Variants in RSRC2 observed in about 807,000 individuals in gnomAD.
RSRC2 encodes the protein arginine/serine-rich coiled-coil protein 2.
Under a neutral mutation model 61.3 loss-of-function variants are expected in RSRC2, and 5 were observed. That is an observed-to-expected ratio of 0.08 (90% CI 0.04 to 0.17). The LOEUF (loss-of-function observed/expected upper bound fraction) is 0.17. Ranked by LOEUF, RSRC2 falls within the 10% of genes least tolerant of loss-of-function variation. The probability of loss-of-function intolerance (pLI) is 1.00; values close to 1 mark genes in which losing one functional copy is unlikely to be tolerated. For missense variants in RSRC2, 381 were observed against 518.8 expected, an observed-to-expected ratio of 0.73 and a Z score of 2.58; for synonymous variants, 202 against 166.5, an observed-to-expected ratio of 1.21 and a Z score of -1.64.
Position 122,504,109 on chromosome 12 carries a change from T to TGCTCC in RSRC2, c.*1417_*1418insGGAGC, listed in dbSNP as rs1957999451. On this transcript the variant is annotated 3_prime_UTR_variant, in exon 10 of 10. Coordinates refer to ENST00000331738, the MANE Select transcript of RSRC2 (RefSeq NM_023012.6). ...TTTCATGTATAAAAAAAATACCTAA[T>TGCTCC]GAGCAAGTTGGCAAGACTTAATTCC... 6.6e-6 allele frequency: 1 copy of TGCTCC among 152,138 alleles called. No individual in the cohort carries two copies. 9.4% of individuals were successfully genotyped at this position (152,138 alleles called of 1,614,324 possible).
chr12:122,510,702 G>A (rs1293967987), intron 7 of RSRC2, among the ~76,000 whole-genome samples: 2 of 150,842 alleles, frequency 1.3e-5, no homozygotes, highest in Non-Finnish European at 2.9e-5. Context: ...GGAATCATAG[G>A]TGATTTTCTT....
chr12:122,518,810 GTAC>G lies in RSRC2; in HGVS notation c.398+26_398+28del, dbSNP rs749557890. On this transcript the variant is annotated intron_variant, in intron 4 of 9. Transcript: ENST00000331738. ...GAAACTTTATGTAACTTGTTAGAAG[GTAC>G]TACATTATAATACAACATGACTTAC... is the stretch of plus-strand genomic sequence containing the variant. 10 of 1,542,058 alleles carry G rather than the reference GTAC, an allele frequency of 6.5e-6. No individual in the cohort carries two copies. In the Admixed American group the frequency reaches 1.0e-4, roughly 15 times the overall value.
rs145997829 is a variant in RSRC2, at chr12:122,504,614, C to G, written c.*913G>C. The G allele has an allele frequency of 6.6e-6, 1 of 152,248 alleles. No homozygotes were observed. The highest frequency in any genetic ancestry group is 1.5e-5 in the Non-Finnish European group (1 of 68,022). 9.4% of individuals were successfully genotyped at this position (152,248 alleles called of 1,614,324 possible). On this transcript the variant is annotated 3_prime_UTR_variant, in exon 10 of 10. Coordinates refer to ENST00000331738, the MANE Select transcript of RSRC2 (RefSeq NM_023012.6). ...ACTGCACCCAGTTTAGGCAACAGAG[C>G]AAGATCCTGTCTCAAAAAAACAAAC...
intron 1 of RSRC2, 109 bp from the exon 2 acceptor site, chr12:122,522,408 T>G (rs1169969918): frequency 5.8e-6 from 6 of 1,030,638 alleles, no homozygotes; most frequent in Non-Finnish European, 8.2e-6. Flanking sequence ...AATCAATAAA[T>G]CAGAATGCCT....
intron 1 of RSRC2, chr12:122,523,626 G>C (rs548444404): frequency 3.3e-5 from 5 of 152,156 alleles, no homozygotes; most frequent in African/African-American, 9.7e-5. Context: ...ATAGGGAATC[G>C]ATAGTCTTCA....
In RSRC2 at chr12:122,514,157, C is replaced by CAGTTCTTT. The variant is rs201039070; in HGVS notation, c.725+940_725+947dup. On this transcript the variant is annotated intron_variant, in intron 6 of 9. Coordinates refer to ENST00000331738, the MANE Select transcript of RSRC2 (RefSeq NM_023012.6). ...TTTTACTTTTTGCCTCTCTATGAGGCAGTTCTTTGAATAGTTTTGCAGATT... is the reference window on the plus strand; with the variant it reads ...TTTTACTTTTTGCCTCTCTATGAGGCAGTTCTTTAGTTCTTTGAATAGTTTTGCAGATT... Among the ~76,000 whole-genome samples the CAGTTCTTT allele has an allele frequency of 3.7e-3, 558 of 152,090 alleles. 5 individuals are homozygous for CAGTTCTTT. Among genetic ancestry groups the CAGTTCTTT allele is most frequent in the South Asian group, 0.016 (78 of 4,812 alleles).
intron 7 of RSRC2, among the ~76,000 whole-genome samples, chr12:122,509,367 T>C (rs1958326709): frequency 6.6e-6 from 1 of 151,866 alleles, no homozygotes; most frequent in African/African-American, 2.4e-5. Context: ...GGAGAATCAC[T>C]TGAACCCGAG....
At chr12:122,513,099 G>A in intron 6 of RSRC2, among the ~76,000 whole-genome samples, 1 of 151,820 alleles carries the variant, frequency 6.6e-6, no homozygotes, top group South Asian at 2.1e-4. Flanking sequence ...GGAGGCTGAG[G>A]CACGAGAATT....
intron 3 of RSRC2, 126 bp downstream of exon 3, chr12:122,521,259 C>T (rs571742281): frequency 2.2e-5 from 13 of 598,740 alleles, no homozygotes; most frequent in African/African-American, 1.7e-4. Flanking sequence ...TATTTTATAA[C>T]CCAATAAACC....
Position 122,518,961 on chromosome 12 carries a change from T to A in RSRC2, c.276A>T (p.Glu92Asp). ...KHKSEEHNDK[E>D]HSSDKGRERL... ...GCTCTCTTCCTTTATCAGAAGAATG[T>A]TCTTTGTCATTATGTTCCTCAGACT... Residue 92 changes from glutamate to aspartate, a missense_variant, in exon 4 of 10, where the codon GAA becomes GAT. By Grantham distance (45) the Glu-to-Asp change is conservative. Around this residue, in one of 4 missense-constraint regions of RSRC2, gnomAD observed 266 missense variants for 270.5 expected, o/e 0.98. Transcript: ENST00000331738. The A allele has an allele frequency of 6.2e-7, 1 of 1,613,718 alleles. No individual in the cohort carries two copies. The highest frequency in any genetic ancestry group is 8.5e-7 in the Non-Finnish European group (1 of 1,179,634).
At chr12:122,524,322 T>C (rs570925757) in intron 1 of RSRC2, among the ~76,000 whole-genome samples, 2 of 152,314 alleles carry the variant, frequency 1.3e-5, no homozygotes, top group East Asian at 3.9e-4. Context: ...TTGTACAGCT[T>C]ACACTTGGTA....
chr12:122,519,631 C>A (rs752347358), intron 3 of RSRC2: 1 of 153,638 alleles, frequency 6.5e-6, no homozygotes, highest in Non-Finnish European at 1.4e-5. Context: ...TGCAGTATCC[C>A]AATAGGCTTA....
chr12:122,515,419 T>A (rs1325088391), intron 5 of RSRC2, among the ~76,000 whole-genome samples, 192 bp from the exon 6 acceptor site: 1 of 152,196 alleles, frequency 6.6e-6, no homozygotes, highest in East Asian at 1.9e-4. Context: ...CCTCATCCCT[T>A]TTTAAGAGAC....
At chr12:122,520,611 CAT>C (rs775502365) in intron 3 of RSRC2, 1 of 1,326,278 alleles carries the variant, frequency 7.5e-7, no homozygotes, top group Non-Finnish European at 1.0e-6. Context: ...GAAATGTTAT[CAT>C]GTGAGCTAAA....
Position 122,520,810 on chromosome 12 carries a change from T to C in RSRC2, c.207+575A>G, listed in dbSNP as rs1294646691. ...TTGGCTCATTCTTTGTCTTCTCAGG[T>C]GGGTGAACAAGTAACTCCTTTGCAA... On this transcript the variant is annotated intron_variant, in intron 3 of 9. Coordinates refer to ENST00000331738, the MANE Select transcript of RSRC2 (RefSeq NM_023012.6). 1.9e-5 allele frequency: 6 copies of C among 315,964 alleles called. No homozygotes were observed. The East Asian group carries it at 5.0e-4, about 26-fold the overall frequency. 19.6% of individuals were successfully genotyped at this position (315,964 alleles called of 1,614,324 possible). A position where few individuals can be genotyped will look rare whatever the true frequency, so the allele number is the denominator to read the frequency against.
At position 122,518,890 on chromosome 12, in the gene RSRC2, T is replaced by C. The variant is rs1355095363; in HGVS notation, c.347A>G (p.Glu116Gly). Residue 116 changes from glutamate (E) to glycine (G), a missense_variant, in exon 4 of 10, where the codon GAA becomes GGA. Coordinates refer to ENST00000331738, the MANE Select transcript of RSRC2 (RefSeq NM_023012.6). ...ACTTCTGCCTCTTGATGACTTTCTTTCTTTGCGTTTGTGCCTGTCCTCACC... is the reference window on the plus strand; with the variant it reads ...ACTTCTGCCTCTTGATGACTTTCTTCCTTTGCGTTTGTGCCTGTCCTCACC... The part of the protein sequence containing the change: ...ENGEDRHKRK[E>G]RKSSRGRSHS... The C allele has an allele frequency of 6.2e-7, 1 of 1,614,156 alleles. No individual in the cohort carries two copies. The highest frequency in any genetic ancestry group is 8.5e-7 in the Non-Finnish European group (1 of 1,180,020).
chr12:122,520,429 A>G, intron 3 of RSRC2: 1 of 866,808 alleles, frequency 1.2e-6, no homozygotes, highest in Non-Finnish European at 1.7e-6. Context: ...CTATTAATTT[A>G]AAAAAAACAT....
intron 5 of RSRC2, among the ~76,000 whole-genome samples, chr12:122,515,551 T>A (rs1452390616): frequency 3.9e-5 from 6 of 152,192 alleles, no homozygotes; most frequent in Non-Finnish European, 2.9e-5. Context: ...GCATAGTATA[T>A]CCAATGTTGG....
chr12:122,513,570 A>G (rs1379465838), intron 6 of RSRC2, among the ~76,000 whole-genome samples: 1 of 152,212 alleles, frequency 6.6e-6, no homozygotes, highest in Non-Finnish European at 1.5e-5. Context: ...CAAGTAAATA[A>G]GAGCTTAAAA....
Sources: gnomAD v4.1 joint callset for allele counts (sites outside exome capture counted in the v4.1 genomes callset) on GRCh38, gnomAD v4.1.1 for gene constraint, gnomAD v4.1.1 regional missense constraint, MANE v1.5 for transcripts, NCBI Gene and HGNC (gene_info 2026-07-23, HGNC 2026-07-21) for gene names.